The following MKLN1 variants were observed in gnomAD, a reference collection of about 807,000 sequenced individuals.
The protein encoded by MKLN1 is muskelin.
In MKLN1, 18 loss-of-function variants were observed where a neutral mutation model predicts 99.0. That is an observed-to-expected ratio of 0.18 (90% CI 0.13 to 0.27). The LOEUF (loss-of-function observed/expected upper bound fraction) is 0.27, where lower values mean the gene tolerates loss of function less well. Ranked by LOEUF, MKLN1 falls within the 10% of genes least tolerant of loss-of-function variation. MKLN1 has a pLI of 1.00. For missense variants in MKLN1, 621 were observed against 875.9 expected, an observed-to-expected ratio of 0.71 and a Z score of 3.67; for synonymous variants, 288 against 293.2, an observed-to-expected ratio of 0.98 and a Z score of 0.18.
At chr7:131,433,421 G>T (rs527868830) in intron 9 of MKLN1, among the ~76,000 whole-genome samples, 1 of 152,088 alleles carries the variant, frequency 6.6e-6, no homozygotes, top group Non-Finnish European at 1.5e-5. Context: ...CACCAGATTT[G>T]TCTAATTTAT....
At chr7:131,390,496 TTTTGCTGAGTA>T in intron 4 of MKLN1, among the ~76,000 whole-genome samples, 1 of 152,108 alleles carries the variant, frequency 6.6e-6, no homozygotes, top group East Asian at 1.9e-4. Context: ...TTCTTTTCTT[TTTTGCTGAGTA>T]TTTGAATATG....
intron 2 of MKLN1, among the ~76,000 whole-genome samples, chr7:131,191,904 G>T (rs895868565): frequency 8.1e-5 from 12 of 148,812 alleles, no homozygotes; most frequent in African/African-American, 2.7e-4. Context: ...TATTGTAGTA[G>T]AGATGGGTTT....
chr7:131,184,270 G>A (rs540730850), intron 2 of MKLN1, among the ~76,000 whole-genome samples: 3 of 152,186 alleles, frequency 2.0e-5, no homozygotes, highest in African/African-American at 7.2e-5. Context: ...GACTATAGGT[G>A]TGCACCACTG....
chr7:131,459,266 A>G (rs1051187762), intron 12 of MKLN1, among the ~76,000 whole-genome samples: 9 of 152,230 alleles, frequency 5.9e-5, no homozygotes, highest in Admixed American at 1.3e-4. Flanking sequence ...GTGACCTACT[A>G]TCAGACAAGG....
chr7:131,355,055 C>G (rs1255990125), intron 1 of MKLN1, among the ~76,000 whole-genome samples: 2 of 152,038 alleles, frequency 1.3e-5, no homozygotes, highest in African/African-American at 4.8e-5. Flanking sequence ...GCTGGGATTA[C>G]AAGTGCGAAC....
chr7:131,145,142 A>G (rs1795799211), intron 2 of MKLN1, among the ~76,000 whole-genome samples: 1 of 152,198 alleles, frequency 6.6e-6, no homozygotes, highest in South Asian at 2.1e-4. Flanking sequence ...TACAGATGAC[A>G]CACACTAGAA....
intron 1 of MKLN1, among the ~76,000 whole-genome samples, chr7:131,337,272 A>AT (rs1156553133): frequency 2.0e-5 from 3 of 152,028 alleles, no homozygotes; most frequent in African/African-American, 7.2e-5. Flanking sequence ...CTGTGAAAAA[A>AT]TTTTGACTTT....
chr7:131,297,502 T>G (rs1056211779), intron 3 of MKLN1, among the ~76,000 whole-genome samples: 1 of 152,080 alleles, frequency 6.6e-6, no homozygotes, highest in African/African-American at 2.4e-5. Flanking sequence ...TTTTTGTATC[T>G]GCCCGTTCTG....
intron 3 of MKLN1, among the ~76,000 whole-genome samples, chr7:131,312,010 T>G (rs1798575374): frequency 6.6e-6 from 1 of 150,918 alleles, no homozygotes; most frequent in African/African-American, 2.5e-5. Flanking sequence ...TTTTTTTTTG[T>G]TTTTTGTTTG....
intron 2 of MKLN1, among the ~76,000 whole-genome samples, chr7:131,386,236 A>G (rs558172288): frequency 6.6e-6 from 1 of 152,064 alleles, no homozygotes; most frequent in South Asian, 2.1e-4. Context: ...CCGGTCTCAA[A>G]CCCCTGACCT....
At position 131,283,400 on chromosome 7, in the gene MKLN1, CCT is replaced by C. The variant is rs59038747; in HGVS notation, c.-179+80437_-179+80438del. Among the ~76,000 whole-genome samples, 32 of 99,146 alleles carry C rather than the reference CCT, an allele frequency of 3.2e-4. No individual in the cohort carries two copies. In the South Asian group the frequency reaches 0.013, roughly 41 times the overall value. The allele number at this position is 99,146 out of a possible 152,430, so 65.0% of individuals were successfully genotyped here. ...TCCTTCCTTCCTTCCTTCCTTCCTT[CCT>C]CTCTCTCTCTTTACTGCTTTCTTTC... On this transcript the variant is annotated intron_variant, in intron 3 of 7. Transcript: ENST00000416992.
intron 2 of MKLN1, among the ~76,000 whole-genome samples, chr7:131,178,477 T>TA (rs1210510934): frequency 6.6e-6 from 1 of 150,842 alleles, no homozygotes; most frequent in Admixed American, 6.6e-5. Flanking sequence ...AAAATTAACT[T>TA]AAAAAAAAAT....
At chr7:131,439,865 AACACACACACACACACACACACACACAC>A (rs57399724) in intron 10 of MKLN1, among the ~76,000 whole-genome samples, 25 of 146,318 alleles carry the variant, frequency 1.7e-4, no homozygotes, top group South Asian at 1.1e-3. Context: ...AAAAGATTTA[AACACACACACACACACACACACACACAC>A]ACACACACAC....
intron 12 of MKLN1, among the ~76,000 whole-genome samples, chr7:131,457,641 C>T (rs925966979): frequency 9.9e-5 from 15 of 152,204 alleles, no homozygotes; most frequent in Non-Finnish European, 1.3e-4. Context: ...TAAGCCCGGG[C>T]ACGGGGGCTC....
intron 6 of MKLN1, 134 bp downstream of exon 6, chr7:131,399,567 T>C: frequency 1.4e-6 from 1 of 701,206 alleles, no homozygotes; most frequent in Non-Finnish European, 2.4e-6. Flanking sequence ...AAGATTGTTA[T>C]CTCTTTGGAT....
chr7:131,212,232 T>G (rs559873664), intron 3 of MKLN1, among the ~76,000 whole-genome samples: 1 of 152,360 alleles, frequency 6.6e-6, no homozygotes, highest in Admixed American at 6.5e-5. Flanking sequence ...ACTTCACTGC[T>G]TTCCTCCAAG....
At chr7:131,390,183 G>C (rs892489566) in intron 4 of MKLN1, among the ~76,000 whole-genome samples, 1 of 152,056 alleles carries the variant, frequency 6.6e-6, no homozygotes, top group Admixed American at 6.5e-5. Context: ...ACTGTTTTTG[G>C]AACAATTGGA....
chr7:131,358,201 C>T (rs1799936384), intron 1 of MKLN1, among the ~76,000 whole-genome samples: 1 of 152,078 alleles, frequency 6.6e-6, no homozygotes, highest in African/African-American at 2.4e-5. Flanking sequence ...TACTCTTTAT[C>T]AAATTGAAGA....
At chr7:131,442,277 G>A (rs1795860939) in intron 10 of MKLN1, among the ~76,000 whole-genome samples, 1 of 152,172 alleles carries the variant, frequency 6.6e-6, no homozygotes, top group South Asian at 2.1e-4. Flanking sequence ...GCCAGGCACG[G>A]TGGCTCATGC....
Sources: allele counts gnomAD v4.1 joint callset (sites outside exome capture counted in the v4.1 genomes callset), GRCh38; gene constraint gnomAD v4.1.1; transcripts MANE v1.5; gene names NCBI Gene and HGNC (gene_info 2026-07-23, HGNC 2026-07-21).